The following RBFOX3 variants were observed in gnomAD, a reference collection of about 807,000 sequenced individuals.
The protein encoded by RBFOX3 is RNA binding protein fox-1 homolog 3.
RBFOX3 carries 17 observed loss-of-function variants against 48.7 expected under a neutral mutation model. That is an observed-to-expected ratio of 0.35 (90% CI 0.24 to 0.52). The LOEUF (loss-of-function observed/expected upper bound fraction) is 0.52. RBFOX3 is among the 20% of genes least tolerant of loss of function. The pLI is 0.94. For missense variants in RBFOX3, 382 were observed against 497.5 expected (o/e 0.77, Z 2.21); for synonymous variants, 212 against 209.5 (o/e 1.01, Z -0.10).
chr17:79,602,879 T>C (rs2093738369), intron 1 of RBFOX3, among the ~76,000 whole-genome samples: 1 of 151,816 alleles, frequency 6.6e-6, no homozygotes, highest in Non-Finnish European at 1.5e-5. Flanking sequence ...CTCTCCCTCA[T>C]GGGAAATCCA....
intron 2 of RBFOX3, among the ~76,000 whole-genome samples, chr17:79,365,133 A>C (rs1409232146): frequency 1.3e-5 from 2 of 151,996 alleles, no homozygotes; most frequent in African/African-American, 2.4e-5. Context: ...GTGCGCACAC[A>C]CACACACACA....
chr17:79,549,966 T>C (rs1442126742), intron 1 of RBFOX3, among the ~76,000 whole-genome samples: 1 of 151,966 alleles, frequency 6.6e-6, no homozygotes, highest in Non-Finnish European at 1.5e-5. Flanking sequence ...ACAGCTAACT[T>C]GTAGGGCAGG....
chr17:79,146,336 G>A (rs2043032097), intron 4 of RBFOX3, among the ~76,000 whole-genome samples: 1 of 152,190 alleles, frequency 6.6e-6, no homozygotes, highest in Non-Finnish European at 1.5e-5. Context: ...GTAGTGCCCT[G>A]GGCCAAATGA....
intron 2 of RBFOX3, among the ~76,000 whole-genome samples, chr17:79,330,363 C>T (rs1027227387): frequency 4.6e-5 from 7 of 152,172 alleles, no homozygotes; most frequent in Non-Finnish European, 2.9e-5. Context: ...TGCCCTAGGA[C>T]TACACAGGAG....
In RBFOX3 at chr17:79,443,394, T is replaced by C. The variant is rs1022281598; in HGVS notation, c.-175+39060A>G. ...CACATACACCCTTGCCTCTTTTTTT[T>C]TTCTTTTGAGACAGTCTTGCTCTGT... is the stretch of plus-strand genomic sequence containing the variant. On this transcript the variant is annotated intron_variant, in intron 2 of 14. Transcript: ENST00000693108. This position sits in a 1 kb window ranked among gnomAD's most constrained non-coding sequence, Gnocchi z 4.4. Among the ~76,000 whole-genome samples the C allele has an allele frequency of 6.6e-6, 1 of 152,110 alleles. No individual in the cohort carries two copies. The highest frequency in any genetic ancestry group is 6.5e-5 in the Admixed American group (1 of 15,286).
At chr17:79,527,142 T>TCTAGG (rs2086905876) in intron 1 of RBFOX3, among the ~76,000 whole-genome samples, 1 of 152,226 alleles carries the variant, frequency 6.6e-6, no homozygotes, top group South Asian at 2.1e-4. Flanking sequence ...CAGAAGTACC[T>TCTAGG]CCCTGTCACC....
intron 3 of RBFOX3, among the ~76,000 whole-genome samples, chr17:79,266,003 C>G (rs1034060078): frequency 1.3e-5 from 2 of 152,230 alleles, no homozygotes; most frequent in Admixed American, 1.3e-4. Flanking sequence ...CCCGCTGTAA[C>G]AGACCTAGAC....
intron 4 of RBFOX3, among the ~76,000 whole-genome samples, chr17:79,225,981 C>T (rs1484322155): frequency 1.3e-5 from 2 of 152,118 alleles, no homozygotes; most frequent in African/African-American, 4.8e-5. Flanking sequence ...CTGCAGTGTT[C>T]AGCCAGGTGG....
chr17:79,134,722 T>C (rs1439629110), intron 4 of RBFOX3, among the ~76,000 whole-genome samples: 1 of 151,918 alleles, frequency 6.6e-6, no homozygotes, highest in Non-Finnish European at 1.5e-5. Context: ...AGGGGCACAG[T>C]TCCCCCTGGG....
At chr17:79,508,521 A>G (rs2083527394) in intron 1 of RBFOX3, among the ~76,000 whole-genome samples, 1 of 151,836 alleles carries the variant, frequency 6.6e-6, no homozygotes, top group African/African-American at 2.4e-5. Flanking sequence ...CCGCACCCCC[A>G]CAGGCCTCTG....
chr17:79,457,258 G>A (rs4325603), intron 2 of RBFOX3, among the ~76,000 whole-genome samples: 51,843 of 152,066 alleles, frequency 0.34, 9,543 homozygotes, highest in Admixed American at 0.42. Flanking sequence ...GCATGGCCTC[G>A]GGTAGCAGTG....
chr17:79,499,759 G>A (rs1034426940), intron 1 of RBFOX3, among the ~76,000 whole-genome samples: 4 of 152,242 alleles, frequency 2.6e-5, no homozygotes, highest in African/African-American at 9.6e-5. Flanking sequence ...TATCCAGAAT[G>A]CTTGCTCTGG....
intron 1 of RBFOX3, among the ~76,000 whole-genome samples, chr17:79,514,949 G>C (rs1010638568): frequency 6.6e-6 from 1 of 152,126 alleles, no homozygotes; most frequent in Admixed American, 6.5e-5. Flanking sequence ...GGGGCTCGGC[G>C]CTGCCCCATT....
At position 79,477,370 on chromosome 17, in the gene RBFOX3, C is replaced by A. The variant is rs770714690; in HGVS notation, c.-175+5084G>T. Among the ~76,000 whole-genome samples, 502 of 150,216 alleles carry A rather than the reference C, an allele frequency of 3.3e-3. 5 individuals are homozygous for A. The highest frequency in any genetic ancestry group is 6.5e-3 in the Admixed American group (98 of 15,082). ...AGGAGATCGAGATCATCCTGGCTAA[C>A]ACGGTGAAACCCCGTCTCTACTAAA... is the stretch of plus-strand genomic sequence containing the variant. On this transcript the variant is annotated intron_variant, in intron 2 of 14. Transcript: ENST00000693108. The surrounding 1 kb of genome is among the most constrained non-coding windows in gnomAD (Gnocchi z 4.8).
rs1316507903 is a variant in RBFOX3, at chr17:79,391,299, C to G, written c.-174-83475G>C. ...TCAGCTCCAGCACCTCTCACCTGAC[C>G]CTCAATGACCAGCTGTCTCAGGGGG... On this transcript the variant is annotated intron_variant, in intron 2 of 14. Transcript: ENST00000693108. This position sits in a 1 kb window ranked among gnomAD's most constrained non-coding sequence, Gnocchi z 5.0. 6.6e-6 allele frequency among the ~76,000 whole-genome samples: 1 copy of G among 152,144 alleles called. No individual in the cohort carries two copies. The highest frequency in any genetic ancestry group is 1.5e-5 in the Non-Finnish European group (1 of 68,038).
At chr17:79,263,651 C>A (rs1233285880) in intron 3 of RBFOX3, among the ~76,000 whole-genome samples, 1 of 152,180 alleles carries the variant, frequency 6.6e-6, no homozygotes, top group East Asian at 1.9e-4. Flanking sequence ...TGCCACCACA[C>A]CCCCTCTGCC....
At chr17:79,484,012 C>T (rs2079158643) in intron 1 of RBFOX3, among the ~76,000 whole-genome samples, 1 of 152,100 alleles carries the variant, frequency 6.6e-6, no homozygotes, top group Non-Finnish European at 1.5e-5. Context: ...GTGCCATCAG[C>T]CAGACAGGAC....
rs1001664033 is a variant in RBFOX3 at position 79,492,573 on chromosome 17, C to T, written c.-319-9975G>A. Among the ~76,000 whole-genome samples, 115 of 152,318 alleles carry T rather than the reference C, an allele frequency of 7.5e-4. No individual in the cohort carries two copies. The South Asian group carries it at 8.3e-3, about 11-fold the overall frequency. On this transcript the variant is annotated intron_variant, in intron 1 of 14. Coordinates refer to ENST00000693108, the MANE Select transcript of RBFOX3 (RefSeq NM_001350451.2). ...CCCCAGTTGAGCCTTCCCATGCCTG[C>T]GGCCCCGGCCAACATATCAACGCAA...
At chr17:79,515,081 A>G (rs1316078027) in intron 1 of RBFOX3, among the ~76,000 whole-genome samples, 3 of 152,184 alleles carry the variant, frequency 2.0e-5, no homozygotes, top group Non-Finnish European at 4.4e-5. Flanking sequence ...TGGGTCCCTC[A>G]GCCTGGGTGC....
Sources: gnomAD v4.1 joint callset for allele counts (sites outside exome capture counted in the v4.1 genomes callset) on GRCh38, gnomAD v4.1.1 for gene constraint, Gnocchi (gnomAD v3.1) non-coding constraint, MANE v1.5 for transcripts, NCBI Gene and HGNC (gene_info 2026-07-23, HGNC 2026-07-21) for gene names.